DLC1: variants seen among roughly 807,000 people sequenced by gnomAD.
The protein encoded by DLC1 is DLC1 Rho GTPase activating protein, also known as rho GTPase-activating protein 7.
In DLC1, 54 loss-of-function variants were observed where a neutral mutation model predicts 140.3. That is an observed-to-expected ratio of 0.38 (90% CI 0.31 to 0.48). DLC1 has a LOEUF of 0.48. Ranked by LOEUF, DLC1 falls within the 20% of genes least tolerant of loss-of-function variation. The pLI, the probability that DLC1 is intolerant of heterozygous loss-of-function variation, is 0.96. For synonymous variants in DLC1, 986 were observed against 728.1 expected (o/e 1.35, Z -5.70); for missense variants, 2,536 against 1,907.0 (o/e 1.33, Z -6.14).
At chr8:13,271,553 C>T (rs1397486018) in intron 5 of DLC1, among the ~76,000 whole-genome samples, 1 of 152,218 alleles carries the variant, frequency 6.6e-6, no homozygotes, top group African/African-American at 2.4e-5. Context: ...GGGATTTCAA[C>T]TTAATGTAGT....
intron 4 of DLC1, among the ~76,000 whole-genome samples, chr8:13,316,434 A>G (rs553651016): frequency 6.6e-5 from 10 of 151,974 alleles, no homozygotes; most frequent in Non-Finnish European, 1.3e-4. Flanking sequence ...TTTTTTTGCA[A>G]TAATGGTAAT....
intron 5 of DLC1, among the ~76,000 whole-genome samples, chr8:13,120,356 A>AAAAAAAAAAAAAAAAATATAT: frequency 3.3e-5 from 2 of 61,126 alleles, no homozygotes; most frequent in Non-Finnish European, 3.8e-5. Flanking sequence ...AAAAAAAAAA[A>AAAAAAAAAAAAAAAAATATAT]ATATATATAT....
chr8:13,342,962 C>A (rs1401974993), intron 4 of DLC1, among the ~76,000 whole-genome samples: 4 of 152,014 alleles, frequency 2.6e-5, no homozygotes, highest in Non-Finnish European at 1.5e-5. Flanking sequence ...TTCAGACTGT[C>A]TTTTGTGTGA....
At chr8:13,514,944 C>A, upstream of DLC1, 2 of 282,712 alleles carry the variant, frequency 7.1e-6, no homozygotes, top group Non-Finnish European at 1.3e-5. Context: ...AAAGGCTGTA[C>A]GAAGAGAGGG....
chr8:13,427,415 A>T (rs886339000), intron 2 of DLC1, among the ~76,000 whole-genome samples: 3 of 152,134 alleles, frequency 2.0e-5, no homozygotes, highest in Non-Finnish European at 4.4e-5. Context: ...CTGCATCATC[A>T]TTCTAGTGAG....
intron 1 of DLC1, among the ~76,000 whole-genome samples, chr8:13,551,075 C>CACT (rs71207163): frequency 5.6e-4 from 68 of 121,672 alleles, no homozygotes; most frequent in African/African-American, 1.1e-3. Flanking sequence ...CACACACACA[C>CACT]TTTTTTTTTT....
intron 4 of DLC1, among the ~76,000 whole-genome samples, chr8:13,375,406 G>C (rs1835929022): frequency 6.6e-6 from 1 of 152,136 alleles, no homozygotes; most frequent in African/African-American, 2.4e-5. Flanking sequence ...AGGAGATTTT[G>C]GGTTGAGACG....
At chr8:13,254,236 C>T (rs779688308) in intron 5 of DLC1, among the ~76,000 whole-genome samples, 1 of 148,240 alleles carries the variant, frequency 6.7e-6, no homozygotes, top group Non-Finnish European at 1.5e-5. Flanking sequence ...AGAATAGCAA[C>T]GGGGAAAACT....
chr8:13,418,689 C>T (rs1316687082), intron 2 of DLC1, among the ~76,000 whole-genome samples: 14 of 152,182 alleles, frequency 9.2e-5, no homozygotes, highest in East Asian at 3.9e-4. Context: ...ATTGACTTGG[C>T]GATGCGGGCT....
At chr8:13,483,487 T>G (rs1800833091) in intron 2 of DLC1, among the ~76,000 whole-genome samples, 1 of 152,052 alleles carries the variant, frequency 6.6e-6, no homozygotes, top group African/African-American at 2.4e-5. Context: ...CCATTTCAGT[T>G]TTTGAGGGGT....
At chr8:13,459,813 A>G (rs1185424608) in intron 2 of DLC1, among the ~76,000 whole-genome samples, 1 of 152,242 alleles carries the variant, frequency 6.6e-6, no homozygotes, top group Admixed American at 6.5e-5. Flanking sequence ...ATAAAACTTG[A>G]AGAATACAAA....
At chr8:13,551,250 T>C (rs575312347) in intron 1 of DLC1, among the ~76,000 whole-genome samples, 1 of 152,224 alleles carries the variant, frequency 6.6e-6, no homozygotes, top group East Asian at 1.9e-4. Flanking sequence ...ATGTAGCTTT[T>C]AGATGTTCAA....
At chr8:13,087,840 C>G (rs1442809222) in intron 16 of DLC1, among the ~76,000 whole-genome samples, 2 of 152,178 alleles carry the variant, frequency 1.3e-5, no homozygotes, top group Non-Finnish European at 2.9e-5. Context: ...AACCACATCT[C>G]CCTTGGGACT....
intron 1 of DLC1, among the ~76,000 whole-genome samples, chr8:13,548,865 C>A (rs1803750420): frequency 6.6e-6 from 1 of 152,012 alleles, no homozygotes; most frequent in Non-Finnish European, 1.5e-5. Flanking sequence ...CAGAATTTCT[C>A]TTTTTAGAAA....
At chr8:13,496,109 T>C (rs567733594) in intron 2 of DLC1, among the ~76,000 whole-genome samples, 2 of 152,276 alleles carry the variant, frequency 1.3e-5, no homozygotes, top group African/African-American at 2.4e-5. Flanking sequence ...TTTCTACCAC[T>C]TGACCATTTG....
At chr8:13,422,263 A>G (rs1005964359) in intron 2 of DLC1, among the ~76,000 whole-genome samples, 3 of 152,178 alleles carry the variant, frequency 2.0e-5, no homozygotes, top group Admixed American at 6.6e-5. Flanking sequence ...GTTTAAGACA[A>G]TACAGTATTA....
intron 2 of DLC1, among the ~76,000 whole-genome samples, chr8:13,449,922 T>C (rs2116963072): frequency 6.6e-6 from 1 of 152,158 alleles, no homozygotes; most frequent in Non-Finnish European, 1.5e-5. Flanking sequence ...GGGGTTCTTA[T>C]CTAATTGAGG....
intron 2 of DLC1, among the ~76,000 whole-genome samples, chr8:13,480,597 C>T (rs2117115839): frequency 6.6e-6 from 1 of 152,182 alleles, no homozygotes; most frequent in South Asian, 2.1e-4. Context: ...AATACATATG[C>T]TAAAATCGTA....
chr8:13,199,483 C>G (rs1827256052), intron 5 of DLC1, among the ~76,000 whole-genome samples: 1 of 152,106 alleles, frequency 6.6e-6, no homozygotes. Flanking sequence ...GCCCCGCGTT[C>G]TCATTCTTCA....
Sources: gnomAD v4.1 joint callset for allele counts (sites outside exome capture counted in the v4.1 genomes callset) on GRCh38, gnomAD v4.1.1 for gene constraint, MANE v1.5 for transcripts, NCBI Gene and HGNC (gene_info 2026-07-23, HGNC 2026-07-21) for gene names.